Variants in SESN2 observed in about 807,000 individuals in gnomAD.
The protein encoded by SESN2 is sestrin 2.
Under a neutral mutation model 56.0 loss-of-function variants are expected in SESN2, and 42 were observed. The observed-to-expected ratio is 0.75, with a 90% confidence interval of 0.59 to 0.97. SESN2 has a LOEUF of 0.97. Among genes scored for constraint, SESN2 ranks in the 50% least tolerant of loss-of-function variants. SESN2 has a pLI of 0.00. For missense variants in SESN2, 507 were observed against 649.4 expected, an observed-to-expected ratio of 0.78 and a Z score of 2.38; for synonymous variants, 264 against 267.1, an observed-to-expected ratio of 0.99 and a Z score of 0.11.
chr1:28,279,086 T>G lies in SESN2; in HGVS notation c.1212-11T>G. 6.2e-7 allele frequency: 1 copy of G among 1,613,922 alleles called. No homozygotes were observed. The highest frequency in any genetic ancestry group is 1.3e-5 in the African/African-American group (1 of 75,034). On this transcript the variant is annotated splice_polypyrimidine_tract_variant and intron_variant, in intron 8 of 9. Coordinates refer to ENST00000253063, the MANE Select transcript of SESN2 (RefSeq NM_031459.5). ...AAGCATGAGTAATGCTGCTGGGACCTTTCCATCCAGATATGATGACTATGA... is the reference window on the plus strand; with the variant it reads ...AAGCATGAGTAATGCTGCTGGGACCGTTCCATCCAGATATGATGACTATGA...
At position 28,269,145 on chromosome 1, in the gene SESN2, C is replaced by T. The variant is rs1295723444; in HGVS notation, c.91-38C>T. 4 of 1,507,154 alleles carry T rather than the reference C, an allele frequency of 2.7e-6. No individual in the cohort carries two copies. The African/African-American group carries it at 4.2e-5, about 16-fold the overall frequency. 93.4% of individuals were successfully genotyped at this position (1,507,154 alleles called of 1,614,324 possible). A position where few individuals can be genotyped will look rare whatever the true frequency, so the allele number is the denominator to read the frequency against. ...ATAGGTAATAATCCTCTTTATTCTC[C>T]CTTCTACTACGGACTAACCTCATAT... On this transcript the variant is annotated intron_variant, in intron 1 of 9. Transcript: ENST00000253063.
intron 6 of SESN2, among the ~76,000 whole-genome samples, chr1:28,273,784 C>T (rs1647905535): frequency 6.6e-6 from 1 of 152,180 alleles, no homozygotes; most frequent in Admixed American, 6.5e-5. Context: ...AGCGCAGAGC[C>T]TGGCCCAGGG....
intron 7 of SESN2, among the ~76,000 whole-genome samples, chr1:28,274,478 C>T (rs1647948387): frequency 6.6e-6 from 1 of 151,998 alleles, no homozygotes; most frequent in African/African-American, 2.4e-5. Flanking sequence ...CTGCAGTGAG[C>T]TGTGATCGCG....
At chr1:28,271,968 A>G in intron 3 of SESN2, 97 bp downstream of exon 3, 2 of 1,210,502 alleles carry the variant, frequency 1.7e-6, no homozygotes, top group South Asian at 2.5e-5. Context: ...GATTCCATAG[A>G]CAAGCAGGGA....
rs1425959053 is a variant in SESN2 at position 28,281,722 on chromosome 1, A to G, written c.*920A>G. 6.6e-6 allele frequency: 1 copy of G among 152,278 alleles called. No individual in the cohort carries two copies. Among genetic ancestry groups the G allele is most frequent in the Admixed American group, 6.5e-5 (1 of 15,278 alleles). The allele number at this position is 152,278 out of a possible 1,614,324, so 9.4% of individuals were successfully genotyped here. ...CTCCCAAAAAGTTGAGCCTTTCTAG[A>G]TGGCTTAGGTGGCACCATGGCTCAG... On this transcript the variant is annotated 3_prime_UTR_variant, in exon 10 of 10. Coordinates refer to ENST00000253063, the MANE Select transcript of SESN2 (RefSeq NM_031459.5).
intron 8 of SESN2, 104 bp downstream of exon 8, chr1:28,275,119 C>G (rs780490664): frequency 9.1e-5 from 72 of 790,856 alleles, no homozygotes; most frequent in Non-Finnish European, 1.3e-4. Flanking sequence ...TTCCTTTCTT[C>G]TTGCCTATAC....
chr1:28,263,491 G>C (rs753797002), intron 1 of SESN2, among the ~76,000 whole-genome samples: 2 of 152,184 alleles, frequency 1.3e-5, no homozygotes, highest in Admixed American at 6.5e-5. Context: ...ATTCAGCTGG[G>C]GGTGAGGGAA....
intron 8 of SESN2, among the ~76,000 whole-genome samples, chr1:28,277,872 C>A (rs185504469): frequency 6.6e-6 from 1 of 152,198 alleles, no homozygotes; most frequent in Non-Finnish European, 1.5e-5. Flanking sequence ...CAAGGACAGG[C>A]TTCTTAGAAT....
chr1:28,271,599 C>G lies in SESN2; in HGVS notation c.157-75C>G, dbSNP rs67068635. The G allele has an allele frequency of 5.3e-3, 6,411 of 1,199,776 alleles. 63 individuals are homozygous for G. The highest frequency in any genetic ancestry group is 0.025 in the African/African-American group (1,644 of 66,746). The allele number at this position is 1,199,776 out of a possible 1,614,324, so 74.3% of individuals were successfully genotyped here. A position where few individuals can be genotyped will look rare whatever the true frequency, so the allele number is the denominator to read the frequency against. On this transcript the variant is annotated intron_variant, in intron 2 of 9. Transcript: ENST00000253063. ...TTAGTTTCTTGCCATTAAAAACCCACTGGAAGAATACATTGGTCTCTTTGA... is the reference window on the plus strand; with the variant it reads ...TTAGTTTCTTGCCATTAAAAACCCAGTGGAAGAATACATTGGTCTCTTTGA...
intron 1 of SESN2, among the ~76,000 whole-genome samples, chr1:28,260,511 G>C (rs1647337304): frequency 6.6e-6 from 1 of 152,166 alleles, no homozygotes; most frequent in Non-Finnish European, 1.5e-5. Flanking sequence ...GAGAGCGCAG[G>C]GGCTCTGGGG....
intron 8 of SESN2, 23 bp from the exon 9 acceptor site, chr1:28,279,074 G>A: frequency 6.2e-7 from 1 of 1,613,478 alleles, no homozygotes; most frequent in Non-Finnish European, 8.5e-7. Flanking sequence ...CATGAGTAAT[G>A]CTGCTGGGAC....
chr1:28,277,091 C>G (rs894379271), intron 8 of SESN2, among the ~76,000 whole-genome samples: 49 of 150,746 alleles, frequency 3.3e-4, no homozygotes, highest in Non-Finnish European at 5.2e-4. Context: ...GTATTTTTAG[C>G]AGAGATGGGG....
intron 9 of SESN2, 114 bp downstream of exon 9, chr1:28,279,355 A>G (rs1648156961): frequency 9.7e-7 from 1 of 1,030,856 alleles, no homozygotes; most frequent in African/African-American, 1.6e-5. Context: ...GCTAGGTGGG[A>G]CACCTGGGCC....
Position 28,280,894 on chromosome 1 carries a change from C to A in SESN2, c.*92C>A. On this transcript the variant is annotated 3_prime_UTR_variant, in exon 10 of 10. Coordinates refer to ENST00000253063, the MANE Select transcript of SESN2 (RefSeq NM_031459.5). The stretch of plus-strand genomic sequence containing the variant: ...GACCCTTTTGTGTCCCATGCCCACC[C>A]TCCCCACGCTGCAGTGGGCTTGTGT... 1.1e-6 allele frequency: 1 copy of A among 925,198 alleles called. No homozygotes were observed. The highest frequency in any genetic ancestry group is 1.7e-6 in the Non-Finnish European group (1 of 574,366). The allele number at this position is 925,198 out of a possible 1,614,324, so 57.3% of individuals were successfully genotyped here.
At chr1:28,273,975 A>C in intron 6 of SESN2, 65 bp from the exon 7 acceptor site, 1 of 1,058,546 alleles carries the variant, frequency 9.4e-7, no homozygotes, top group Non-Finnish European at 1.5e-6. Context: ...TTTGGTGATT[A>C]ATCAGGAATG....
chr1:28,265,149 G>A (rs1288321013), intron 1 of SESN2, among the ~76,000 whole-genome samples: 3 of 152,140 alleles, frequency 2.0e-5, no homozygotes, highest in Non-Finnish European at 4.4e-5. Context: ...TTAGCCAGTG[G>A]TAACCAGCCT....
intron 8 of SESN2, among the ~76,000 whole-genome samples, chr1:28,276,224 A>G (rs1023805909): frequency 6.6e-6 from 1 of 152,186 alleles, no homozygotes; most frequent in East Asian, 1.9e-4. Flanking sequence ...CACACCTGCA[A>G]TCCCAGCACT....
Position 28,274,897 on chromosome 1 carries a change from G to A in SESN2, c.1093G>A (p.Glu365Lys), listed in dbSNP as rs764982645. 2 of 1,614,090 alleles carry A rather than the reference G, an allele frequency of 1.2e-6. No homozygotes were observed. Among genetic ancestry groups the A allele is most frequent in the South Asian group, 1.1e-5 (1 of 91,088 alleles). Residue 365 changes from glutamate to lysine, a missense_variant, in exon 8 of 10, where the codon GAG becomes AAG. Coordinates refer to ENST00000253063, the MANE Select transcript of SESN2 (RefSeq NM_031459.5). Reference protein sequence around the residue: ...LYPEGGQLLDEKFQAAYSLTY... With the variant: ...LYPEGGQLLDKKFQAAYSLTY... ...CCCTGAGGGTGGGCAGCTGCTGGAT[G>A]AGAAGTTCCAGGCAGCCTATAGCCT...
chr1:28,264,135 G>C (rs995856691), intron 1 of SESN2, among the ~76,000 whole-genome samples: 1 of 151,190 alleles, frequency 6.6e-6, no homozygotes, highest in Non-Finnish European at 1.5e-5. Flanking sequence ...GGAGGCCAAG[G>C]TGAGCAGGTT....
Sources: allele counts gnomAD v4.1 joint callset (sites outside exome capture counted in the v4.1 genomes callset), GRCh38; gene constraint gnomAD v4.1.1; transcripts MANE v1.5; gene names NCBI Gene and HGNC (gene_info 2026-07-23, HGNC 2026-07-21).